The following PRKG1 variants were observed in gnomAD, a reference collection of about 807,000 sequenced individuals.
PRKG1 encodes protein kinase cGMP-dependent 1.
PRKG1 carries 35 observed loss-of-function variants against 88.1 expected under a neutral mutation model. The ratio of observed to expected loss-of-function variants is 0.40; its 90% confidence interval spans 0.30 to 0.53. The LOEUF is 0.53. PRKG1 is among the 20% of genes least tolerant of loss of function. The probability of loss-of-function intolerance (pLI) is 0.59; values close to 1 mark genes in which losing one functional copy is unlikely to be tolerated. For synonymous variants in PRKG1, 303 were observed against 292.5 expected, an observed-to-expected ratio of 1.04 and a Z score of -0.37; for missense variants, 540 against 839.8, an observed-to-expected ratio of 0.64 and a Z score of 4.41.
At chr10:52,018,067 T>C (rs1162815150) in intron 5 of PRKG1, among the ~76,000 whole-genome samples, 1 of 152,116 alleles carries the variant, frequency 6.6e-6, no homozygotes, top group African/African-American at 2.4e-5. Flanking sequence ...ACAGTTGTCA[T>C]TTCAAGTTCA....
At chr10:51,662,875 C>T (rs1157666933) in intron 3 of PRKG1, among the ~76,000 whole-genome samples, 1 of 151,902 alleles carries the variant, frequency 6.6e-6, no homozygotes, top group Non-Finnish European at 1.5e-5. Flanking sequence ...GAATAGTGTA[C>T]TGGGGCAGTA....
chr10:51,962,904 A>G (rs999844628), intron 5 of PRKG1, among the ~76,000 whole-genome samples: 1 of 152,196 alleles, frequency 6.6e-6, no homozygotes, highest in Non-Finnish European at 1.5e-5. Flanking sequence ...AGTGGGGGAA[A>G]TGTGAATTAT....
At chr10:52,155,148 AG>A (rs1341989854) in intron 8 of PRKG1, among the ~76,000 whole-genome samples, 1 of 151,152 alleles carries the variant, frequency 6.6e-6, no homozygotes, top group Admixed American at 6.7e-5. Context: ...TCCTTTGGGT[AG>A]ATATACAGTA....
intron 7 of PRKG1, among the ~76,000 whole-genome samples, chr10:52,106,505 T>A (rs1847426212): frequency 6.6e-6 from 1 of 152,086 alleles, no homozygotes; most frequent in Non-Finnish European, 1.5e-5. Flanking sequence ...CACAGCATGT[T>A]AAGCAAGTTA....
At chr10:51,576,782 CT>C (rs11394669) in intron 3 of PRKG1, among the ~76,000 whole-genome samples, 1 of 151,388 alleles carries the variant, frequency 6.6e-6, no homozygotes, top group Admixed American at 6.6e-5. Context: ...GAATTATTTT[CT>C]TTTTTTTAAC....
intron 9 of PRKG1, among the ~76,000 whole-genome samples, chr10:52,166,805 A>ATG (rs1422267210): frequency 1.3e-4 from 1 of 7,624 alleles, no homozygotes; most frequent in African/African-American, 1.8e-4. Flanking sequence ...ATACATATAT[A>ATG]TATGTATATA....
In PRKG1 at chr10:51,138,612, G is replaced by A. The variant is rs529001722; in HGVS notation, c.312-14552G>A. On this transcript the variant is annotated intron_variant, in intron 1 of 17. Coordinates refer to ENST00000373980, the MANE Select transcript of PRKG1 (RefSeq NM_006258.4). ...GGCAGTCTAATTTTGATTTAGTTCA[G>A]GTTGATTGCTATTTTGCTTTGATAA... Among the ~76,000 whole-genome samples the A allele has an allele frequency of 3.3e-5, 5 of 150,082 alleles. No individual in the cohort carries two copies. The South Asian group carries it at 1.1e-3, about 32-fold the overall frequency.
chr10:51,635,500 C>T (rs574022863), intron 3 of PRKG1, among the ~76,000 whole-genome samples: 4 of 152,008 alleles, frequency 2.6e-5, no homozygotes, highest in South Asian at 4.2e-4. Flanking sequence ...CCAAAATGCC[C>T]GTGGCCAAAA....
intron 1 of PRKG1, among the ~76,000 whole-genome samples, chr10:51,122,096 T>A (rs1845273422): frequency 6.6e-6 from 1 of 152,192 alleles, no homozygotes; most frequent in South Asian, 2.1e-4. Flanking sequence ...GAACATCTGT[T>A]GCCTTAGTCC....
intron 5 of PRKG1, chr10:51,909,741 C>G (rs1028185623): frequency 3.3e-5 from 5 of 151,798 alleles, no homozygotes; most frequent in African/African-American, 9.7e-5. Flanking sequence ...AAATCAGGAG[C>G]TTTTTGCTTG....
intron 8 of PRKG1, among the ~76,000 whole-genome samples, chr10:52,154,696 TGG>T: frequency 6.6e-6 from 1 of 152,322 alleles, no homozygotes; most frequent in Middle Eastern, 3.4e-3. Flanking sequence ...TTTGGTTACA[TGG>T]GTAAGTTCTT....
At chr10:51,477,436 A>G (rs1840229317) in intron 3 of PRKG1, among the ~76,000 whole-genome samples, 1 of 151,666 alleles carries the variant, frequency 6.6e-6, no homozygotes, top group Non-Finnish European at 1.5e-5. Flanking sequence ...AAAGAGAAGA[A>G]TAGTTCCGAG....
chr10:52,221,606 G>A (rs1202880215), intron 9 of PRKG1, among the ~76,000 whole-genome samples: 1 of 152,012 alleles, frequency 6.6e-6, no homozygotes, highest in Non-Finnish European at 1.5e-5. Flanking sequence ...TTATTTTAAA[G>A]TAATCCAAGA....
intron 3 of PRKG1, among the ~76,000 whole-genome samples, chr10:51,774,047 T>C (rs899636247): frequency 1.2e-4 from 19 of 152,136 alleles, no homozygotes; most frequent in Admixed American, 6.6e-4. Flanking sequence ...ACTTACATTA[T>C]TGTCTCAGTT....
At chr10:51,806,253 G>A (rs1320265483) in intron 4 of PRKG1, among the ~76,000 whole-genome samples, 6 of 152,164 alleles carry the variant, frequency 3.9e-5, no homozygotes, top group East Asian at 3.9e-4. Flanking sequence ...GGACACTTAC[G>A]ATGTTGATTT....
At chr10:51,365,082 G>T (rs1330666817) in intron 2 of PRKG1, among the ~76,000 whole-genome samples, 1 of 151,868 alleles carries the variant, frequency 6.6e-6, no homozygotes, top group East Asian at 1.9e-4. Flanking sequence ...ACCATTACTA[G>T]CTCTATAACT....
intron 3 of PRKG1, among the ~76,000 whole-genome samples, chr10:51,476,069 G>C (rs924217634): frequency 6.6e-6 from 1 of 152,026 alleles, no homozygotes; most frequent in Non-Finnish European, 1.5e-5. Flanking sequence ...TCCATAGGTG[G>C]CCATTGACTT....
At chr10:51,950,941 C>T (rs1843168631) in intron 5 of PRKG1, among the ~76,000 whole-genome samples, 1 of 152,204 alleles carries the variant, frequency 6.6e-6, no homozygotes, top group South Asian at 2.1e-4. Flanking sequence ...GGGTGGTCCC[C>T]CAATGGTGGG....
At chr10:51,615,587 A>T (rs1230811738) in intron 3 of PRKG1, among the ~76,000 whole-genome samples, 2 of 135,256 alleles carry the variant, frequency 1.5e-5, no homozygotes, top group Admixed American at 7.6e-5. Flanking sequence ...CTTCTGCTTG[A>T]TCTAGTCTAT....
Sources: allele counts gnomAD v4.1 joint callset (sites outside exome capture counted in the v4.1 genomes callset), GRCh38; gene constraint gnomAD v4.1.1; transcripts MANE v1.5; gene names NCBI Gene and HGNC (gene_info 2026-07-23, HGNC 2026-07-21).